The following SLC7A14 variants were observed in gnomAD, a reference collection of about 807,000 sequenced individuals.
The protein encoded by SLC7A14 is solute carrier family 7 member 14, also known as gamma-aminobutyric acid transporter SLC7A14.
SLC7A14 carries 37 observed loss-of-function variants against 60.2 expected under a neutral mutation model. The ratio of observed to expected loss-of-function variants is 0.61; its 90% CI spans 0.47 to 0.81. The LOEUF is 0.81. Among genes scored for constraint, SLC7A14 ranks in the 30% least tolerant of loss-of-function variants. SLC7A14 has a pLI of 0.00. For missense variants in SLC7A14, 886 were observed against 982.7 expected, an observed-to-expected ratio of 0.90 and a Z score of 1.32; for synonymous variants, 399 against 395.8, an observed-to-expected ratio of 1.01 and a Z score of -0.10.
intron 7 of SLC7A14, among the ~76,000 whole-genome samples, chr3:170,470,113 A>C (rs1739844457): frequency 6.6e-6 from 1 of 152,210 alleles, no homozygotes; most frequent in Non-Finnish European, 1.5e-5. Flanking sequence ...GCTGGGAAAG[A>C]ATAAGTGACT....
At chr3:170,512,027 G>A (rs1296897879) in intron 2 of SLC7A14, among the ~76,000 whole-genome samples, 1 of 152,178 alleles carries the variant, frequency 6.6e-6, no homozygotes, top group African/African-American at 2.4e-5. Flanking sequence ...ACTTGGAGCT[G>A]AAGTGACAAC....
intron 7 of SLC7A14, among the ~76,000 whole-genome samples, chr3:170,477,804 A>T (rs1462296423): frequency 1.3e-5 from 2 of 152,248 alleles, no homozygotes; most frequent in Non-Finnish European, 2.9e-5. Context: ...ATACCAGTTG[A>T]AAATATTACC....
At chr3:170,543,372 G>C (rs751380713) in intron 1 of SLC7A14, among the ~76,000 whole-genome samples, 1 of 152,064 alleles carries the variant, frequency 6.6e-6, no homozygotes, top group Non-Finnish European at 1.5e-5. Context: ...AGTCTCCACC[G>C]GGTGCAGTGG....
intron 6 of SLC7A14, among the ~76,000 whole-genome samples, chr3:170,482,024 A>G (rs1711845974): frequency 6.6e-6 from 1 of 152,230 alleles, no homozygotes; most frequent in Non-Finnish European, 1.5e-5. Context: ...TTTATGCCAA[A>G]GCTTGAGACA....
chr3:170,514,121 G>A (rs1370306597), intron 2 of SLC7A14, among the ~76,000 whole-genome samples: 1 of 152,234 alleles, frequency 6.6e-6, no homozygotes, highest in East Asian at 1.9e-4. Context: ...GGAGCTTTTT[G>A]ATTCCCTGGG....
intron 3 of SLC7A14, among the ~76,000 whole-genome samples, chr3:170,499,376 G>A (rs1317953184): frequency 6.6e-6 from 1 of 151,032 alleles, no homozygotes; most frequent in Non-Finnish European, 1.5e-5. Flanking sequence ...AAATGAGCAG[G>A]ATTTGGTAGA....
At chr3:170,546,607 A>G (rs1385037893) in intron 1 of SLC7A14, among the ~76,000 whole-genome samples, 1 of 152,224 alleles carries the variant, frequency 6.6e-6, no homozygotes, top group East Asian at 1.9e-4. Context: ...ACTTTTAAAC[A>G]GAAGTTCTTC....
intron 1 of SLC7A14, among the ~76,000 whole-genome samples, chr3:170,530,348 G>A (rs1713638154): frequency 6.6e-6 from 1 of 152,178 alleles, no homozygotes; most frequent in African/African-American, 2.4e-5. Flanking sequence ...TATGGGGTAA[G>A]GAGGAGGATT....
At chr3:170,550,573 G>A (rs1435726225) in intron 1 of SLC7A14, among the ~76,000 whole-genome samples, 1 of 128,692 alleles carries the variant, frequency 7.8e-6, no homozygotes, top group Non-Finnish European at 1.6e-5. Context: ...CCAGGCTGGA[G>A]TGCAATGGTG....
chr3:170,544,677 A>G (rs570721635), intron 1 of SLC7A14, among the ~76,000 whole-genome samples: 15 of 152,342 alleles, frequency 9.8e-5, no homozygotes, highest in Non-Finnish European at 2.1e-4. Context: ...AATGTGTATC[A>G]TGTCTGCACC....
chr3:170,519,524 C>T (rs1225233864), intron 2 of SLC7A14, among the ~76,000 whole-genome samples: 2 of 152,202 alleles, frequency 1.3e-5, no homozygotes, highest in Non-Finnish European at 2.9e-5. Flanking sequence ...CGCCTGTAAT[C>T]CCAACACTTA....
intron 3 of SLC7A14, among the ~76,000 whole-genome samples, chr3:170,499,451 G>T (rs1385733918): frequency 6.6e-6 from 1 of 151,994 alleles, no homozygotes. Flanking sequence ...TTACAACAGC[G>T]CCTATGAAAC....
Position 170,464,908 on chromosome 3 carries a change from T to C in SLC7A14, c.*2147A>G, listed in dbSNP as rs1231119346. 6.6e-6 allele frequency: 1 copy of C among 152,242 alleles called. No individual in the cohort carries two copies. Among genetic ancestry groups the C allele is most frequent in the Non-Finnish European group, 1.5e-5 (1 of 68,040 alleles). The allele number at this position is 152,242 out of a possible 1,614,324, so 9.4% of individuals were successfully genotyped here. A position where few individuals can be genotyped will look rare whatever the true frequency, so the allele number is the denominator to read the frequency against. ...CAACCCCTCCTCATCTATCTAGATA[T>C]GTATCAAGCTTAACAGATTCTATTT... On this transcript the variant is annotated 3_prime_UTR_variant, in exon 8 of 8. Coordinates refer to ENST00000231706, the MANE Select transcript of SLC7A14 (RefSeq NM_020949.3).
At chr3:170,469,814 C>T (rs1031384502) in intron 7 of SLC7A14, among the ~76,000 whole-genome samples, 3 of 152,090 alleles carry the variant, frequency 2.0e-5, no homozygotes, top group African/African-American at 4.8e-5. Context: ...ATAGACGACT[C>T]ATTTCCCTAC....
chr3:170,585,363 G>A lies in SLC7A14; in HGVS notation c.-153+548C>T, dbSNP rs1715354909. Among the ~76,000 whole-genome samples the A allele has an allele frequency of 6.6e-6, 1 of 152,168 alleles. No homozygotes were observed. Among genetic ancestry groups the A allele is most frequent in the African/African-American group, 2.4e-5 (1 of 41,460 alleles). ...GGTCGGGGTGCTGGGCTCGGCGGGA[G>A]TCCCTTTGAGGAGTTTGCTCCCAGG... On this transcript the variant is annotated intron_variant, in intron 1 of 7. Coordinates refer to ENST00000231706, the MANE Select transcript of SLC7A14 (RefSeq NM_020949.3). The surrounding 1 kb of genome is among the most constrained non-coding windows in gnomAD (Gnocchi z 5.1).
chr3:170,580,104 G>A (rs1304042257), intron 1 of SLC7A14, among the ~76,000 whole-genome samples: 1 of 152,218 alleles, frequency 6.6e-6, no homozygotes, highest in Non-Finnish European at 1.5e-5. Flanking sequence ...AGAGATAGAC[G>A]AGTGTATGGC....
intron 1 of SLC7A14, among the ~76,000 whole-genome samples, chr3:170,567,857 T>C (rs1714837750): frequency 6.7e-6 from 1 of 150,152 alleles, no homozygotes; most frequent in African/African-American, 2.4e-5. Context: ...GATGGGGTTG[T>C]TTTTTTTTTC....
At chr3:170,551,103 G>T (rs1714336988) in intron 1 of SLC7A14, among the ~76,000 whole-genome samples, 1 of 151,974 alleles carries the variant, frequency 6.6e-6, no homozygotes, top group Non-Finnish European at 1.5e-5. Flanking sequence ...TTTCTTTATG[G>T]ATTTGCCTAT....
At chr3:170,509,760 C>T (rs1712907734) in intron 2 of SLC7A14, among the ~76,000 whole-genome samples, 2 of 151,022 alleles carry the variant, frequency 1.3e-5, no homozygotes, top group South Asian at 4.2e-4. Context: ...GCCTGACCAA[C>T]ATGGAGAAAC....
Sources: gnomAD v4.1 joint callset for allele counts (sites outside exome capture counted in the v4.1 genomes callset) on GRCh38, gnomAD v4.1.1 for gene constraint, Gnocchi (gnomAD v3.1) non-coding constraint, MANE v1.5 for transcripts, NCBI Gene and HGNC (gene_info 2026-07-23, HGNC 2026-07-21) for gene names.